Variants in GCSAML observed in about 807,000 individuals in gnomAD.
The protein encoded by GCSAML is germinal center-associated signaling and motility-like protein.
In GCSAML, 9 loss-of-function variants were observed where a neutral mutation model predicts 13.0. The ratio of observed to expected loss-of-function variants is 0.69; its 90% CI spans 0.42 to 1.21. The LOEUF (loss-of-function observed/expected upper bound fraction) is 1.21, where lower values mean the gene tolerates loss of function less well. GCSAML is among the 50% of genes most tolerant of loss of function. The pLI is 0.00. For synonymous variants in GCSAML, 37 were observed against 52.9 expected (o/e 0.70, Z 1.31); for missense variants, 143 against 153.4 (o/e 0.93, Z 0.36).
chr1:247,576,755 T>A lies in GCSAML; in HGVS notation c.*2373T>A, dbSNP rs1352513495. On this transcript the variant is annotated 3_prime_UTR_variant, in exon 5 of 5. Transcript: ENST00000366488. ...ATGTGCGGAAGGGAAACAATAGAAATTTTGCAATTCTAGAAAAGTCATTCT... is the reference window on the plus strand; with the variant it reads ...ATGTGCGGAAGGGAAACAATAGAAAATTTGCAATTCTAGAAAAGTCATTCT... 1 of 152,116 alleles carries A rather than the reference T, an allele frequency of 6.6e-6. No homozygotes were observed. Among genetic ancestry groups the A allele is most frequent in the East Asian group, 1.9e-4 (1 of 5,198 alleles). The allele number at this position is 152,116 out of a possible 1,614,324, so 9.4% of individuals were successfully genotyped here.
intron 1 of GCSAML, among the ~76,000 whole-genome samples, chr1:247,514,082 G>A (rs925100712): frequency 2.0e-5 from 3 of 152,030 alleles, no homozygotes; most frequent in African/African-American, 4.8e-5. Context: ...CCAGGTTCAA[G>A]CCATTCTCCT....
At chr1:247,567,505 AC>A (rs1400587988) in intron 4 of GCSAML, among the ~76,000 whole-genome samples, 1 of 152,076 alleles carries the variant, frequency 6.6e-6, no homozygotes, top group Non-Finnish European at 1.5e-5. Flanking sequence ...AAGACCATAA[AC>A]TTATTCTTTT....
chr1:247,572,570 CTG>C (rs1668657676), intron 4 of GCSAML, among the ~76,000 whole-genome samples: 1 of 152,210 alleles, frequency 6.6e-6, no homozygotes, highest in South Asian at 2.1e-4. Context: ...ACTCCTTCCT[CTG>C]GAAGCTTTGT....
At chr1:247,550,643 A>G (rs1260657567) in intron 1 of GCSAML, among the ~76,000 whole-genome samples, 2 of 140,072 alleles carry the variant, frequency 1.4e-5, no homozygotes, top group African/African-American at 2.9e-5. Flanking sequence ...TCTCAAATAA[A>G]CAAACAAACA....
At chr1:247,518,973 A>G (rs1246477174) in intron 1 of GCSAML, among the ~76,000 whole-genome samples, 1 of 152,020 alleles carries the variant, frequency 6.6e-6, no homozygotes. Flanking sequence ...TGGGCAACTG[A>G]GCAAAACCCT....
intron 2 of GCSAML, chr1:247,531,484 C>T (rs1666949687): frequency 6.5e-7 from 1 of 1,530,240 alleles, no homozygotes; most frequent in African/African-American, 1.4e-5. Flanking sequence ...CCCAAGTGCC[C>T]TGTCTTCCAA....
chr1:247,522,743 C>A (rs1297639421), intron 1 of GCSAML, among the ~76,000 whole-genome samples: 1 of 152,096 alleles, frequency 6.6e-6, no homozygotes, highest in African/African-American at 2.4e-5. Context: ...TCACCACTCC[C>A]TAATCTCAAG....
chr1:247,546,583 A>C (rs553753669), upstream of GCSAML, among the ~76,000 whole-genome samples: 22 of 151,674 alleles, frequency 1.5e-4, no homozygotes, highest in Admixed American at 9.8e-4. Flanking sequence ...GGATGGTCTC[A>C]ATTTCCTGAC....
chr1:247,559,590 T>C (rs896592437), intron 2 of GCSAML, among the ~76,000 whole-genome samples: 1 of 152,190 alleles, frequency 6.6e-6, no homozygotes, highest in African/African-American at 2.4e-5. Context: ...GTTTCATTAG[T>C]ATTGCCTAGT....
intron 4 of GCSAML, among the ~76,000 whole-genome samples, chr1:247,573,723 C>T (rs569813970): frequency 1.5e-4 from 23 of 152,164 alleles, no homozygotes; most frequent in East Asian, 5.8e-4. Flanking sequence ...TCTAGTTCTG[C>T]GAAGAAAGTC....
At chr1:247,551,539 G>C (rs1667777586) in intron 1 of GCSAML, among the ~76,000 whole-genome samples, 1 of 152,186 alleles carries the variant, frequency 6.6e-6, no homozygotes, top group Non-Finnish European at 1.5e-5. Flanking sequence ...AGTGAGTATG[G>C]AGGAATGACA....
At chr1:247,537,066 C>T (rs1244750071) in intron 2 of GCSAML, among the ~76,000 whole-genome samples, 3 of 152,152 alleles carry the variant, frequency 2.0e-5, no homozygotes, top group African/African-American at 4.8e-5. Flanking sequence ...CTCTATCAAG[C>T]GTCAGAACTT....
intron 3 of GCSAML, among the ~76,000 whole-genome samples, chr1:247,565,222 G>C (rs1668295682): frequency 6.6e-6 from 1 of 152,134 alleles, no homozygotes; most frequent in African/African-American, 2.4e-5. Context: ...GCTGGGCATG[G>C]TGGCATGTGC....
intron 1 of GCSAML, among the ~76,000 whole-genome samples, chr1:247,554,207 A>G (rs1667880351): frequency 6.6e-6 from 1 of 152,052 alleles, no homozygotes; most frequent in African/African-American, 2.4e-5. Context: ...TTTTTTTGTT[A>G]TTGATGTTAT....
chr1:247,529,836 TAAGAG>T (rs1374169147), intron 2 of GCSAML: 2 of 150,612 alleles, frequency 1.3e-5, no homozygotes, highest in African/African-American at 2.4e-5. Context: ...TTGAAAGCCT[TAAGAG>T]AAAAGACTGA....
intron 1 of GCSAML, among the ~76,000 whole-genome samples, chr1:247,518,798 G>A (rs1289518564): frequency 6.6e-6 from 1 of 152,202 alleles, no homozygotes; most frequent in Non-Finnish European, 1.5e-5. Context: ...AGACCAGCCT[G>A]GGCAATACAG....
rs892400062 is a variant in GCSAML at position 247,574,646 on chromosome 1, A to C, written c.*264A>C. 7.1e-6 allele frequency: 3 copies of C among 420,576 alleles called. No homozygotes were observed. Among genetic ancestry groups the C allele is most frequent in the African/African-American group, 2.0e-5 (1 of 50,122 alleles). 26.1% of individuals were successfully genotyped at this position (420,576 alleles called of 1,614,324 possible). Reference sequence around the variant, plus strand: ...TGAGGACATGGAGGTGATAAAAAAAACTTTCTTAGGACAATAATGTAAAAT... The same window carrying C: ...TGAGGACATGGAGGTGATAAAAAAACCTTTCTTAGGACAATAATGTAAAAT... On this transcript the variant is annotated 3_prime_UTR_variant, in exon 5 of 5. Transcript: ENST00000366488.
At chr1:247,529,788 A>T (rs1011429989) in intron 2 of GCSAML, 1 of 141,850 alleles carries the variant, frequency 7.0e-6, no homozygotes, top group Non-Finnish European at 1.5e-5. Context: ...AGTAAAGCAG[A>T]TTACCCTTTA....
chr1:247,524,559 G>C (rs1376552448), intron 1 of GCSAML: 2 of 152,134 alleles, frequency 1.3e-5, no homozygotes, highest in East Asian at 3.8e-4. Context: ...TGAAAGCAGG[G>C]ATATCAGTTA....
Sources: gnomAD v4.1 joint callset for allele counts (sites outside exome capture counted in the v4.1 genomes callset) on GRCh38, gnomAD v4.1.1 for gene constraint, MANE v1.5 for transcripts, NCBI Gene and HGNC (gene_info 2026-07-23, HGNC 2026-07-21) for gene names.